Variants in RERE observed in about 807,000 individuals in gnomAD.
RERE encodes the protein arginine-glutamic acid dipeptide repeats.
Under a neutral mutation model 146.1 loss-of-function variants are expected in RERE, and 40 were observed. The observed-to-expected ratio is 0.27, with a 90% CI of 0.21 to 0.36. RERE has a LOEUF of 0.36. RERE is among the 10% of genes least tolerant of loss of function. The pLI is 1.00. For missense variants in RERE, 1,933 were observed against 2,138.7 expected, an observed-to-expected ratio of 0.90 and a Z score of 1.90; for synonymous variants, 1,003 against 866.0, an observed-to-expected ratio of 1.16 and a Z score of -2.78.
Position 8,358,191 on chromosome 1 carries a change from C to A in RERE, c.4339+5G>T, listed in dbSNP as rs374970396. 6.3e-7 allele frequency: 1 copy of A among 1,584,832 alleles called. No homozygotes were observed. Among genetic ancestry groups the A allele is most frequent in the Non-Finnish European group, 8.6e-7 (1 of 1,158,842 alleles). ...CTGTCCCACCTGCCACGCTGGGGCA[C>A]GCACCTTGGTGGAGGGGGTCCTGCT... is the stretch of plus-strand genomic sequence containing the variant. On this transcript the variant is annotated splice_donor_5th_base_variant and intron_variant, in intron 20 of 22. Coordinates refer to ENST00000400908, the MANE Select transcript of RERE (RefSeq NM_001042681.2).
At chr1:8,629,680 C>A (rs1009866293) in intron 2 of RERE, among the ~76,000 whole-genome samples, 1 of 152,142 alleles carries the variant, frequency 6.6e-6, no homozygotes, top group Non-Finnish European at 1.5e-5. Context: ...GGACACTTAC[C>A]TCACCCACTA....
chr1:8,700,211 T>C (rs1360393203), intron 1 of RERE, among the ~76,000 whole-genome samples: 1 of 151,962 alleles, frequency 6.6e-6, no homozygotes, highest in Non-Finnish European at 1.5e-5. Context: ...AGGCTGAGGC[T>C]GGAGAATCAC....
intron 12 of RERE, among the ~76,000 whole-genome samples, chr1:8,397,200 A>G (rs1027880718): frequency 1.3e-5 from 2 of 152,210 alleles, no homozygotes; most frequent in Non-Finnish European, 2.9e-5. Flanking sequence ...AAGTCATCAT[A>G]ATCTCTCTGC....
At chr1:8,750,737 G>A in intron 1 of RERE, 1 of 789,448 alleles carries the variant, frequency 1.3e-6, no homozygotes, top group Non-Finnish European at 2.3e-6. Flanking sequence ...TGTGAGCCCA[G>A]AGGTCTGAAA....
chr1:8,665,897 C>G (rs1369976132), intron 1 of RERE, among the ~76,000 whole-genome samples: 1 of 152,208 alleles, frequency 6.6e-6, no homozygotes, highest in African/African-American at 2.4e-5. Flanking sequence ...AAAGCCAGGT[C>G]ATATATCCTA....
In RERE at chr1:8,358,509, G is replaced by A. The variant is rs1641393507; in HGVS notation, c.4026C>T (p.Asn1342=). The A allele has an allele frequency of 7.5e-6, 12 of 1,592,442 alleles. No individual in the cohort carries two copies. Among genetic ancestry groups the A allele is most frequent in the Non-Finnish European group, 1.0e-5 (12 of 1,170,144 alleles). The change falls in exon 20 of 23, where the codon AAC becomes AAT. Residue 1342 remains asparagine, a synonymous_variant. Coordinates refer to ENST00000400908, the MANE Select transcript of RERE (RefSeq NM_001042681.2). ...TGTGCCGGGCAAAGTGCTCCATGGG[G>A]TTGGCGGCTGGGTGCAGGGGGTCCA... ...PELDPLHPAA[N]PMEHFARHSA... is the part of the protein sequence containing the mutation.
At chr1:8,376,839 C>G (rs61787661) in intron 12 of RERE, among the ~76,000 whole-genome samples, 1 of 152,112 alleles carries the variant, frequency 6.6e-6, no homozygotes, top group East Asian at 1.9e-4. Context: ...ATCAGTGGTT[C>G]TGAACTGCGG....
At chr1:8,596,440 C>A (rs1646555882) in intron 4 of RERE, among the ~76,000 whole-genome samples, 1 of 152,182 alleles carries the variant, frequency 6.6e-6, no homozygotes, top group Non-Finnish European at 1.5e-5. Context: ...ACATTAAAAT[C>A]CAGTGAATTG....
At chr1:8,393,735 A>C (rs572137564) in intron 12 of RERE, among the ~76,000 whole-genome samples, 32 of 152,328 alleles carry the variant, frequency 2.1e-4, no homozygotes, top group African/African-American at 7.7e-4. Flanking sequence ...CAACTACATA[A>C]TACAGAGACA....
At position 8,573,051 on chromosome 1, in the gene RERE, T is replaced by TCTTG. The variant is rs1373301775; in HGVS notation, c.523-15532_523-15529dup. ...CAGGACCTAGGAGGAAACCTAAATG[T>TCTTG]CTTGCTTGCTTGCTATCCTGAGCGT... On this transcript the variant is annotated intron_variant, in intron 4 of 22. Coordinates refer to ENST00000400908, the MANE Select transcript of RERE (RefSeq NM_001042681.2). Among the ~76,000 whole-genome samples the TCTTG allele has an allele frequency of 1.6e-4, 25 of 152,168 alleles. No homozygotes were observed. In the South Asian group the frequency reaches 1.7e-3, roughly 10 times the overall value.
chr1:8,812,509 T>G (rs1289815944), intron 1 of RERE, among the ~76,000 whole-genome samples: 2 of 152,218 alleles, frequency 1.3e-5, no homozygotes, highest in East Asian at 3.9e-4. Context: ...TAGCCAGGTG[T>G]GGTGGCACAT....
At chr1:8,570,501 C>A (rs1287132563) in intron 4 of RERE, among the ~76,000 whole-genome samples, 3 of 152,032 alleles carry the variant, frequency 2.0e-5, no homozygotes, top group Non-Finnish European at 4.4e-5. Context: ...TTTATTTCTG[C>A]AAATCTCTTT....
Position 8,423,543 on chromosome 1 carries a change from C to T in RERE, c.1204-736G>A. The stretch of plus-strand genomic sequence containing the variant: ...CTCCCCGCCCCGGTGGGGGCAGCTC[C>T]TGGCTCCGAGCCCCCACCTCGGGGC... On this transcript the variant is annotated intron_variant, in intron 11 of 22. Transcript: ENST00000400908. This position sits in a 1 kb window ranked among gnomAD's most constrained non-coding sequence, Gnocchi z 5.4. 2.0e-6 allele frequency: 2 copies of T among 985,242 alleles called. No homozygotes were observed. The highest frequency in any genetic ancestry group is 2.4e-6 in the Non-Finnish European group (2 of 829,792). 61.0% of individuals were successfully genotyped at this position (985,242 alleles called of 1,614,324 possible). A position where few individuals can be genotyped will look rare whatever the true frequency, so the allele number is the denominator to read the frequency against.
chr1:8,804,725 T>C (rs1181764847), intron 1 of RERE, among the ~76,000 whole-genome samples: 1 of 149,972 alleles, frequency 6.7e-6, no homozygotes, highest in Non-Finnish European at 1.5e-5. Context: ...GCAGAACTGA[T>C]GTGAGAAAGT....
intron 2 of RERE, among the ~76,000 whole-genome samples, chr1:8,645,481 G>A (rs979382293): frequency 6.6e-6 from 1 of 152,066 alleles, no homozygotes; most frequent in African/African-American, 2.4e-5. Context: ...GCGTTAGCTT[G>A]AAAAAGACTG....
chr1:8,734,588 T>G (rs944273583), intron 1 of RERE, among the ~76,000 whole-genome samples: 3 of 152,210 alleles, frequency 2.0e-5, no homozygotes, highest in African/African-American at 7.2e-5. Context: ...TTAATCTCCC[T>G]GCCTCGGTCT....
At chr1:8,443,749 T>C (rs1356576681) in intron 11 of RERE, among the ~76,000 whole-genome samples, 1 of 152,200 alleles carries the variant, frequency 6.6e-6, no homozygotes, top group Non-Finnish European at 1.5e-5. Context: ...TGTGACTACA[T>C]CCTTGGCTCA....
At chr1:8,610,923 G>A (rs1336764797) in intron 4 of RERE, among the ~76,000 whole-genome samples, 3 of 150,726 alleles carry the variant, frequency 2.0e-5, no homozygotes, top group South Asian at 2.1e-4. Flanking sequence ...CACCGGGCAC[G>A]GTGGCTCACA....
intron 12 of RERE, among the ~76,000 whole-genome samples, chr1:8,422,365 A>G (rs1329719343): frequency 6.6e-6 from 1 of 152,212 alleles, no homozygotes; most frequent in Non-Finnish European, 1.5e-5. Flanking sequence ...GCCAATTACC[A>G]AATTCAAACT....
Sources: gnomAD v4.1 joint callset for allele counts (sites outside exome capture counted in the v4.1 genomes callset) on GRCh38, gnomAD v4.1.1 for gene constraint, Gnocchi (gnomAD v3.1) non-coding constraint, MANE v1.5 for transcripts, NCBI Gene and HGNC (gene_info 2026-07-23, HGNC 2026-07-21) for gene names.